YY1: variants seen among roughly 807,000 people sequenced by gnomAD.
The protein encoded by YY1 is transcriptional repressor protein YY1.
Under a neutral mutation model 35.6 loss-of-function variants are expected in YY1, and 2 were observed. The ratio of observed to expected loss-of-function variants is 0.06; its 90% confidence interval spans 0.02 to 0.18. The LOEUF (loss-of-function observed/expected upper bound fraction) is 0.18. YY1 is among the 10% of genes least tolerant of loss of function. The pLI, the probability that YY1 is intolerant of heterozygous loss-of-function variation, is 1.00. For missense variants in YY1, 322 were observed against 573.4 expected (o/e 0.56, Z 4.48); for synonymous variants, 268 against 238.9 (o/e 1.12, Z -1.12).
At chr14:100,249,263 G>A (rs1890885880) in intron 1 of YY1, among the ~76,000 whole-genome samples, 1 of 151,658 alleles carries the variant, frequency 6.6e-6, no homozygotes, top group Non-Finnish European at 1.5e-5. Context: ...TGGGATTACA[G>A]GCTTGCACTA....
chr14:100,274,095 G>A (rs1036888333), intron 2 of YY1, among the ~76,000 whole-genome samples: 143 of 152,088 alleles, frequency 9.4e-4, no homozygotes, highest in African/African-American at 3.1e-3. Flanking sequence ...ATGGTTTGTC[G>A]TGTGTCCTTC....
chr14:100,250,241 T>A (rs1320462766), intron 1 of YY1, among the ~76,000 whole-genome samples: 4 of 152,142 alleles, frequency 2.6e-5, no homozygotes, highest in Non-Finnish European at 5.9e-5. Context: ...AAGGTCTTTA[T>A]TAGTGGGAAA....
chr14:100,243,937 C>T (rs1890789497), intron 1 of YY1, among the ~76,000 whole-genome samples: 1 of 152,084 alleles, frequency 6.6e-6, no homozygotes, highest in South Asian at 2.1e-4. Flanking sequence ...AACCCTGTCT[C>T]TACTAAAAAT....
chr14:100,260,771 C>CTTTTATTTTTTTTTTTTTTTTT (rs1891073922), intron 1 of YY1, among the ~76,000 whole-genome samples: 1 of 42,540 alleles, frequency 2.4e-5, no homozygotes, highest in Non-Finnish European at 4.4e-5. Context: ...GTGCCTGGTC[C>CTTTTATTTTTTTTTTTTTTTTT]TTTTTTTTTT....
chr14:100,270,823 G>A (rs1226524338), intron 2 of YY1, among the ~76,000 whole-genome samples: 4 of 152,114 alleles, frequency 2.6e-5, no homozygotes, highest in Non-Finnish European at 5.9e-5. Flanking sequence ...GATTGCTTGA[G>A]CTCAGGAGTT....
intron 1 of YY1, among the ~76,000 whole-genome samples, chr14:100,256,399 A>C (rs965320803): frequency 6.6e-6 from 1 of 152,198 alleles, no homozygotes; most frequent in Non-Finnish European, 1.5e-5. Flanking sequence ...CAGGTGGCAT[A>C]CTTGGCATCC....
chr14:100,256,243 T>C (rs1002630045), intron 1 of YY1, among the ~76,000 whole-genome samples: 1 of 152,198 alleles, frequency 6.6e-6, no homozygotes, highest in African/African-American at 2.4e-5. Flanking sequence ...TTTAGTTGCC[T>C]TTTTGAGGTC....
rs1414383002 is a variant in YY1, at chr14:100,281,047, A to C, written c.*3447A>C. The stretch of plus-strand genomic sequence containing the variant: ...TGCACTCCAGCCTGGGTGACAGAGC[A>C]AGACTCCGTCTCCCAAAAAAAAAAA... On this transcript the variant is annotated 3_prime_UTR_variant, in exon 5 of 5. Coordinates refer to ENST00000262238, the MANE Select transcript of YY1 (RefSeq NM_003403.5). 7.4e-6 allele frequency: 1 copy of C among 135,748 alleles called. No individual in the cohort carries two copies. Among genetic ancestry groups the C allele is most frequent in the Non-Finnish European group, 1.5e-5 (1 of 65,064 alleles). The allele number at this position is 135,748 out of a possible 1,614,324, so 8.4% of individuals were successfully genotyped here.
intron 1 of YY1, among the ~76,000 whole-genome samples, chr14:100,253,464 C>T (rs1190311643): frequency 6.6e-6 from 1 of 152,224 alleles, no homozygotes; most frequent in Non-Finnish European, 1.5e-5. Flanking sequence ...GTTGCCCAGC[C>T]TGGAGTGCAG....
intron 2 of YY1, among the ~76,000 whole-genome samples, chr14:100,267,151 C>G (rs901991036): frequency 3.3e-5 from 5 of 152,052 alleles, no homozygotes; most frequent in Non-Finnish European, 7.4e-5. Flanking sequence ...ATCGGAAACT[C>G]CATGAAAAGG....
intron 3 of YY1, among the ~76,000 whole-genome samples, chr14:100,275,573 G>A (rs1891306174): frequency 6.6e-6 from 1 of 152,142 alleles, no homozygotes; most frequent in African/African-American, 2.4e-5. Flanking sequence ...CTTTATAATG[G>A]ACACATAATA....
At position 100,277,064 on chromosome 14, in the gene YY1, G is replaced by T. The variant is rs368849234; in HGVS notation, c.1063-354G>T. 9.2e-5 allele frequency: 40 copies of T among 433,780 alleles called. No individual in the cohort carries two copies. In the East Asian group the frequency reaches 1.1e-3, roughly 12 times the overall value. 26.9% of individuals were successfully genotyped at this position (433,780 alleles called of 1,614,324 possible). On this transcript the variant is annotated intron_variant, in intron 4 of 4. Coordinates refer to ENST00000262238, the MANE Select transcript of YY1 (RefSeq NM_003403.5). The surrounding 1 kb of genome is among the most constrained non-coding windows in gnomAD (Gnocchi z 5.6). ...CCATAAATAAGTGAAAGAACTAGCA[G>T]TGCAGCTAGTAAATCTAACGTGGTT...
intron 1 of YY1, among the ~76,000 whole-genome samples, chr14:100,256,389 C>T (rs1374895960): frequency 6.6e-6 from 1 of 152,174 alleles, no homozygotes; most frequent in Non-Finnish European, 1.5e-5. Flanking sequence ...GCAAGAAACT[C>T]AGGTGGCATA....
intron 1 of YY1, among the ~76,000 whole-genome samples, chr14:100,259,926 TA>T (rs1389859423): frequency 5.4e-4 from 83 of 152,324 alleles, no homozygotes; most frequent in African/African-American, 1.9e-3. Flanking sequence ...GGTGAGAATA[TA>T]TCAGCTATAT....
At chr14:100,243,119 G>C (rs1890776329) in intron 1 of YY1, among the ~76,000 whole-genome samples, 1 of 152,198 alleles carries the variant, frequency 6.6e-6, no homozygotes, top group Non-Finnish European at 1.5e-5. Flanking sequence ...GGATAACTCT[G>C]CATTTCCCAA....
intron 1 of YY1, among the ~76,000 whole-genome samples, chr14:100,249,139 A>G (rs1274580029): frequency 1.4e-3 from 73 of 52,992 alleles, no homozygotes; most frequent in African/African-American, 2.2e-3. Flanking sequence ...TTTTTTTGGG[A>G]GACAGAGTTT....
chr14:100,266,703 G>C (rs1390581145), intron 2 of YY1, among the ~76,000 whole-genome samples: 1 of 152,166 alleles, frequency 6.6e-6, no homozygotes, highest in African/African-American at 2.4e-5. Context: ...CCATCAAGTG[G>C]AAAGAATGAT....
intron 1 of YY1, among the ~76,000 whole-genome samples, chr14:100,242,982 GTTAT>G (rs957058715): frequency 2.6e-4 from 40 of 152,186 alleles, no homozygotes; most frequent in Non-Finnish European, 1.5e-4. Context: ...CATAAGGGTA[GTTAT>G]AAATATTTGA....
intron 1 of YY1, among the ~76,000 whole-genome samples, chr14:100,252,927 A>T (rs190100094): frequency 5.1e-4 from 78 of 152,146 alleles, no homozygotes; most frequent in African/African-American, 1.8e-3. Context: ...TGTGGTCTCA[A>T]CTACTGGTGG....
Sources: allele counts gnomAD v4.1 joint callset (sites outside exome capture counted in the v4.1 genomes callset), GRCh38; gene constraint gnomAD v4.1.1; non-coding constraint Gnocchi (gnomAD v3.1); transcripts MANE v1.5; gene names NCBI Gene and HGNC (gene_info 2026-07-23, HGNC 2026-07-21).